SMC1A: variants seen among roughly 807,000 people sequenced by gnomAD.
SMC1A encodes structural maintenance of chromosomes protein 1A.
SMC1A carries 4 observed loss-of-function variants against 94.5 expected under a neutral mutation model. That is an observed-to-expected ratio of 0.04 (90% CI 0.02 to 0.10). The LOEUF (loss-of-function observed/expected upper bound fraction) is 0.10. SMC1A is among the 10% of genes least tolerant of loss of function. The pLI is 1.00. For synonymous variants in SMC1A, 345 were observed against 347.7 expected (o/e 0.99, Z 0.09); for missense variants, 304 against 989.0 (o/e 0.31, Z 9.29).
intron 19 of SMC1A, among the ~76,000 whole-genome samples, chrX:53,394,068 G>A (rs2075640306): frequency 9.7e-6 from 1 of 102,690 alleles, no homozygotes; most frequent in African/African-American, 3.6e-5. Flanking sequence ...AGAATCGCTT[G>A]AACCTGGGAG....
At chrX:53,382,083 G>A in intron 22 of SMC1A, 149 bp downstream of exon 22, 1 of 687,511 alleles carries the variant, frequency 1.5e-6, no homozygotes. Context: ...ACCAAAGCCA[G>A]ATATGCTGCA....
chrX:53,394,127 G>A (rs1448551604), intron 19 of SMC1A, among the ~76,000 whole-genome samples: 1 of 96,665 alleles, frequency 1.0e-5, no homozygotes, highest in Non-Finnish European at 2.0e-5. Context: ...ACTCCAGCCT[G>A]GGCAACAAGA....
At chrX:53,410,926 C>CAAAAAAAAGAAAAAAAAAAAAA (rs2075709402) in intron 7 of SMC1A, among the ~76,000 whole-genome samples, 1 of 28,815 alleles carries the variant, frequency 3.5e-5, no homozygotes, top group African/African-American at 1.9e-4. Flanking sequence ...GGCTTTGTCT[C>CAAAAAAAAGAAAAAAAAAAAAA]AAAAAAAAAA....
Position 53,405,081 on chromosome X carries a change from C to G in SMC1A, c.2127G>C (p.Gln709His). The G allele has an allele frequency of 8.3e-7, 1 of 1,207,839 alleles. No individual in the cohort carries two copies. Among genetic ancestry groups the G allele is most frequent in the Non-Finnish European group, 1.1e-6 (1 of 893,292 alleles). ...CACTCTGGGAGTACTTGAGCCGCAT[C>G]TGCAGTCCATGGGCCTGAGACTGCA... The part of the protein sequence containing the change: ...RQVQSQAHGL[Q>H]MRLKYSQSDL... Residue 709 changes from glutamine to histidine, a missense_variant, in exon 13 of 25, where the codon CAG becomes CAC. Gln to His is a conservative substitution (Grantham distance 24). This residue lies in a region of SMC1A where 57 missense variants were observed against 278.1 expected (regional missense o/e 0.20). Transcript: ENST00000322213.
At chrX:53,388,766 G>C (rs996812060) in intron 19 of SMC1A, among the ~76,000 whole-genome samples, 2 of 109,363 alleles carry the variant, frequency 1.8e-5, no homozygotes, top group African/African-American at 3.3e-5. Flanking sequence ...GGGAGGCCGA[G>C]GCGGGTGGAT....
chrX:53,392,739 C>T (rs1242135193), intron 19 of SMC1A, among the ~76,000 whole-genome samples: 2 of 111,928 alleles, frequency 1.8e-5, no homozygotes, highest in East Asian at 5.6e-4. Context: ...TGAGCCACCG[C>T]GCCTGACCCT....
At position 53,412,040 on chromosome X, in the gene SMC1A, T is replaced by C; in HGVS notation, c.1068A>G (p.Glu356=). The part of the protein sequence containing the change: ...ARQEFEERME[E]ESQSQGRDLT... The stretch of plus-strand genomic sequence containing the variant: ...AATCTCTGCCCTGACTCTGACTCTC[T>C]TCTTCCATCCGTTCTTCAAACTCCT... Residue 356 remains glutamate (E), a synonymous_variant, in exon 6 of 25, where the codon GAA becomes GAG. Transcript: ENST00000322213. 1 of 1,211,435 alleles carries C rather than the reference T, an allele frequency of 8.3e-7. No homozygotes were observed. Among genetic ancestry groups the C allele is most frequent in the Non-Finnish European group, 1.1e-6 (1 of 895,260 alleles).
chrX:53,384,499 AC>A (rs2146584221), intron 19 of SMC1A, among the ~76,000 whole-genome samples: 1 of 110,568 alleles, frequency 9.0e-6, no homozygotes, highest in South Asian at 3.9e-4. Context: ...CCTGAGCTCA[AC>A]TGATCCACCC....
chrX:53,404,919 G>A lies in SMC1A; in HGVS notation c.2196+93C>T, dbSNP rs781961861. 5.9e-6 allele frequency: 6 copies of A among 1,021,629 alleles called. No individual in the cohort carries two copies. The South Asian group carries it at 8.1e-5, about 14-fold the overall frequency. The allele number at this position is 1,021,629 out of a possible 1,213,427, so 84.2% of individuals were successfully genotyped here. A position where few individuals can be genotyped will look rare whatever the true frequency, so the allele number is the denominator to read the frequency against. ...TCCCTGCGGCAGGCTGGGAGGAGAC[G>A]GGGAAGTGAAACAAGTTCCCCACCC... On this transcript the variant is annotated intron_variant, in intron 13 of 24. Coordinates refer to ENST00000322213, the MANE Select transcript of SMC1A (RefSeq NM_006306.4).
intron 1 of SMC1A, chrX:53,421,923 C>A: frequency 8.3e-7 from 1 of 1,207,994 alleles, no homozygotes; most frequent in Non-Finnish European, 1.1e-6. Context: ...GGGTGGGGAT[C>A]GACACCTCAA....
rs2075551485 is a variant in SMC1A, at chrX:53,374,189, G to C, written c.*5914C>G. The C allele has an allele frequency of 8.9e-6, 1 of 112,029 alleles. No individual in the cohort carries two copies. Among genetic ancestry groups the C allele is most frequent in the South Asian group, 3.7e-4 (1 of 2,672 alleles). 9.2% of individuals were successfully genotyped at this position (112,029 alleles called of 1,213,427 possible). ...TATTAAAGCATTCACAGGGAAATAA[G>C]GAAGACAAGAACAGCTACACAGGCA... On this transcript the variant is annotated 3_prime_UTR_variant, in exon 25 of 25. Coordinates refer to ENST00000322213, the MANE Select transcript of SMC1A (RefSeq NM_006306.4).
intron 21 of SMC1A, 52 bp downstream of exon 21, chrX:53,382,454 G>C: frequency 8.3e-7 from 1 of 1,199,608 alleles, no homozygotes; most frequent in African/African-American, 1.7e-5. Context: ...AGCCTAGAGG[G>C]AAGGACAACT....
chrX:53,404,248 A>G (rs782785146), intron 13 of SMC1A, among the ~76,000 whole-genome samples: 1 of 110,040 alleles, frequency 9.1e-6, no homozygotes, highest in African/African-American at 3.3e-5. Flanking sequence ...TACATATAAA[A>G]CCTCTAGGGC....
rs1556886074 is a variant in SMC1A, at chrX:53,382,775, G to A, written c.3131-115C>T. 4 of 925,182 alleles carry A rather than the reference G, an allele frequency of 4.3e-6. No individual in the cohort carries two copies. In the African/African-American group the frequency reaches 7.8e-5, roughly 18 times the overall value. 76.2% of individuals were successfully genotyped at this position (925,182 alleles called of 1,213,427 possible). ...AGAGGAATGCCTGAGGAGGGTCCCA[G>A]AAGGATCTGTATCCAGTGGACTGGC... On this transcript the variant is annotated intron_variant, in intron 20 of 24. Coordinates refer to ENST00000322213, the MANE Select transcript of SMC1A (RefSeq NM_006306.4).
rs1445281439 is a variant in SMC1A, at chrX:53,396,223, T to G, written c.2862+4A>C. 8.3e-7 allele frequency: 1 copy of G among 1,208,020 alleles called. No homozygotes were observed. The highest frequency in any genetic ancestry group is 1.1e-6 in the Non-Finnish European group (1 of 894,739). ...CCACTCCCACCACCAGCCACAATACTCACCTCTTCCTGACTAATATCATCC... is the reference window on the plus strand; with the variant it reads ...CCACTCCCACCACCAGCCACAATACGCACCTCTTCCTGACTAATATCATCC... On this transcript the variant is annotated splice_donor_region_variant and intron_variant, in intron 18 of 24. Transcript: ENST00000322213.
chrX:53,421,176 C>T (rs2075753750), intron 1 of SMC1A, among the ~76,000 whole-genome samples: 2 of 112,060 alleles, frequency 1.8e-5, no homozygotes, highest in African/African-American at 6.5e-5. Flanking sequence ...AGCATTAGCC[C>T]TCCAGGCCAG....
Position 53,394,766 on chromosome X carries a change from GT to G in SMC1A, c.2973+11del. ...CCCCCACCCCCACCACACCCCTGTG[GT>G]TGATCCTCACCTTCAGATCCTCACA... On this transcript the variant is annotated intron_variant, in intron 19 of 24. Transcript: ENST00000322213. 1 of 947,162 alleles carries G rather than the reference GT, an allele frequency of 1.1e-6. No individual in the cohort carries two copies. The highest frequency in any genetic ancestry group is 1.5e-6 in the Non-Finnish European group (1 of 662,441). 78.1% of individuals were successfully genotyped at this position (947,162 alleles called of 1,213,427 possible). A position where few individuals can be genotyped will look rare whatever the true frequency, so the allele number is the denominator to read the frequency against.
intron 19 of SMC1A, among the ~76,000 whole-genome samples, chrX:53,387,936 G>GA (rs1407696691): frequency 3.7e-3 from 2 of 537 alleles, no homozygotes; most frequent in East Asian, 0.15. Flanking sequence ...CTGATAAAGG[G>GA]GGGAAAAAAT....
Position 53,394,793 on chromosome X carries a change from C to A in SMC1A, c.2958G>T (p.Leu986=). 1 of 1,070,384 alleles carries A rather than the reference C, an allele frequency of 9.3e-7. No individual in the cohort carries two copies. Among genetic ancestry groups the A allele is most frequent in the Non-Finnish European group, 1.2e-6 (1 of 800,821 alleles). The allele number at this position is 1,070,384 out of a possible 1,213,427, so 88.2% of individuals were successfully genotyped here. A position where few individuals can be genotyped will look rare whatever the true frequency, so the allele number is the denominator to read the frequency against. Residue 986 remains leucine, a synonymous_variant, in exon 19 of 25, where the codon CTG becomes CTT. Transcript: ENST00000322213. ...TGATCCTCACCTTCAGATCCTCACA[C>A]AGATCACCGTAGTCAATCTCAATGA... ...EALIEIDYGD[L]CEDLKDAQAE...
Sources: allele counts gnomAD v4.1 joint callset (sites outside exome capture counted in the v4.1 genomes callset), GRCh38; gene constraint gnomAD v4.1.1; regional missense constraint gnomAD v4.1.1; transcripts MANE v1.5; gene names NCBI Gene and HGNC (gene_info 2026-07-23, HGNC 2026-07-21).